C2: variants seen among roughly 807,000 people sequenced by gnomAD.
C2 encodes the protein C3/C5 convertase.
In C2, 64 loss-of-function variants were observed where a neutral mutation model predicts 85.2. The ratio of observed to expected loss-of-function variants is 0.75; its 90% CI spans 0.61 to 0.92. The LOEUF is 0.92. Among genes scored for constraint, C2 ranks in the 40% least tolerant of loss-of-function variants. C2 has a pLI of 0.00. For missense variants in C2, 820 were observed against 971.6 expected (o/e 0.84, Z 2.07); for synonymous variants, 311 against 370.8 (o/e 0.84, Z 1.85).
chr6:31,909,787 G>A (rs1435244356), intron 1 of C2, among the ~76,000 whole-genome samples: 1 of 151,910 alleles, frequency 6.6e-6, no homozygotes, highest in Non-Finnish European at 1.5e-5. Context: ...GTTTTCCACA[G>A]CAGCTGCACC....
chr6:31,901,162 C>T (rs1298474272), intron 1 of C2: 6 of 1,613,612 alleles, frequency 3.7e-6, no homozygotes, highest in Non-Finnish European at 5.1e-6. Context: ...CCAAGATGAC[C>T]TTGTGGCCTC....
chr6:31,939,751 C>CATCACTGGA (rs1770734296), intron 9 of C2, among the ~76,000 whole-genome samples: 1 of 152,050 alleles, frequency 6.6e-6, no homozygotes, highest in South Asian at 2.1e-4. Context: ...CTATGCTCAG[C>CATCACTGGA]CCGTCTTCAC....
intron 1 of C2, among the ~76,000 whole-genome samples, chr6:31,911,995 T>A (rs28732166): frequency 0.026 from 3,672 of 143,554 alleles, 69 homozygotes; most frequent in South Asian, 0.062. Context: ...GGTCTCTAAC[T>A]CCTGGGCTCA....
In C2 at chr6:31,933,064, C is replaced by T. The variant is rs138594503; in HGVS notation, c.443-546C>T. Among the ~76,000 whole-genome samples, 698 of 148,232 alleles carry T rather than the reference C, an allele frequency of 4.7e-3. 7 individuals carry two copies. Among genetic ancestry groups the T allele is most frequent in the African/African-American group, 0.016 (662 of 41,172 alleles). On this transcript the variant is annotated intron_variant, in intron 3 of 17. Coordinates refer to ENST00000299367, the MANE Select transcript of C2 (RefSeq NM_000063.6). The stretch of plus-strand genomic sequence containing the variant: ...AGGTTGCAGTGAGCCGAGATGGCAG[C>T]AGTACCGTCCAGCTTCGGCTCGGCA...
chr6:31,932,765 T>G (rs1314715487), intron 3 of C2, among the ~76,000 whole-genome samples: 8 of 152,230 alleles, frequency 5.3e-5, no homozygotes, highest in Non-Finnish European at 1.2e-4. Flanking sequence ...CAAGGCAGGC[T>G]GCTGGGAGGT....
Position 31,920,356 on chromosome 6 carries a change from C to T in C2, c.-100+330C>T, listed in dbSNP as rs1768875841. On this transcript the variant is annotated intron_variant, in intron 1 of 3. Coordinates refer to the C2 transcript ENST00000413154. The surrounding 1 kb of genome is among the most constrained non-coding windows in gnomAD (Gnocchi z 5.6). ...ACTGGGAAGGGGATGAATATCTCCC[C>T]ACTCCCCAGGATAAAGGAAAACATT... Among the ~76,000 whole-genome samples, 1 of 152,126 alleles carries T rather than the reference C, an allele frequency of 6.6e-6. No homozygotes were observed. Among genetic ancestry groups the T allele is most frequent in the Non-Finnish European group, 1.5e-5 (1 of 68,004 alleles).
upstream of C2, chr6:31,897,999 G>A: frequency 1.3e-6 from 1 of 774,552 alleles, no homozygotes; most frequent in Non-Finnish European, 1.6e-6. Context: ...ATTTCCTCTG[G>A]CCTGGTTGGG....
intron 3 of C2, among the ~76,000 whole-genome samples, chr6:31,931,914 C>G (rs1468659117): frequency 1.3e-5 from 1 of 76,858 alleles, no homozygotes; most frequent in African/African-American, 3.5e-5. Flanking sequence ...ACCTCCCTCC[C>G]GGACGGCGCG....
Position 31,943,576 on chromosome 6 carries a change from AC to A in C2, c.1567+51del, listed in dbSNP as rs746883608. ...TCCTGATCCTGAAGCCACAGATCCT[AC>A]CACCTCACCCAGCCTCTGGCCCCTG... On this transcript the variant is annotated intron_variant, in intron 12 of 17. Coordinates refer to ENST00000299367, the MANE Select transcript of C2 (RefSeq NM_000063.6). The surrounding 1 kb of genome is among the most constrained non-coding windows in gnomAD (Gnocchi z 6.4). The A allele has an allele frequency of 9.3e-5, 149 of 1,608,092 alleles. No homozygotes were observed. The highest frequency in any genetic ancestry group is 1.2e-4 in the Non-Finnish European group (145 of 1,175,668).
chr6:31,932,645 C>T (rs946156496), intron 3 of C2, among the ~76,000 whole-genome samples: 1 of 146,488 alleles, frequency 6.8e-6, no homozygotes, highest in Non-Finnish European at 1.5e-5. Flanking sequence ...GGCAGCCAGG[C>T]AGAGGGGCTC....
intron 8 of C2, among the ~76,000 whole-genome samples, chr6:31,938,286 T>C (rs1423379380): frequency 6.6e-6 from 1 of 151,954 alleles, no homozygotes; most frequent in African/African-American, 2.4e-5. Context: ...CATTTGCCTC[T>C]TGCTATTGTC....
chr6:31,908,517 G>A (rs974632645), intron 1 of C2, among the ~76,000 whole-genome samples: 1 of 151,400 alleles, frequency 6.6e-6, no homozygotes, highest in Non-Finnish European at 1.5e-5. Context: ...GCTGGGTGTG[G>A]TGGGGGTGCC....
chr6:31,926,739 G>T (rs1369070042), upstream of C2, among the ~76,000 whole-genome samples: 2 of 151,988 alleles, frequency 1.3e-5, no homozygotes, highest in Admixed American at 6.6e-5. Flanking sequence ...GGTTCAATCA[G>T]TTCTCTAAGG....
At chr6:31,926,194 G>C (rs1332005057), upstream of C2, among the ~76,000 whole-genome samples, 2 of 152,132 alleles carry the variant, frequency 1.3e-5, no homozygotes, top group African/African-American at 2.4e-5. Context: ...TCTTACTGTG[G>C]AAGGAGGGAG....
upstream of C2, among the ~76,000 whole-genome samples, chr6:31,918,284 C>CA (rs931103800): frequency 1.5e-4 from 22 of 145,406 alleles, no homozygotes; most frequent in South Asian, 2.0e-3. Context: ...GACCCCATCT[C>CA]AAAAAAAAAA....
chr6:31,933,619 G>A lies in C2; in HGVS notation c.452G>A (p.Cys151Tyr), dbSNP rs1770109879. Residue 151 changes from cysteine (C) to tyrosine (Y), a missense_variant, in exon 4 of 18, where the codon TGC becomes TAC. Coordinates refer to ENST00000299367, the MANE Select transcript of C2 (RefSeq NM_000063.6). ...TAVCDNGAGH[C>Y]PNPGISLGAV... Reference sequence around the variant, plus strand: ...CTTTGTTCACTCGCAGCTGGCCACTGCCCCAACCCAGGCATTTCACTGGGC... The same window carrying A: ...CTTTGTTCACTCGCAGCTGGCCACTACCCCAACCCAGGCATTTCACTGGGC... The A allele has an allele frequency of 1.2e-6, 2 of 1,612,954 alleles. No individual in the cohort carries two copies. Among genetic ancestry groups the A allele is most frequent in the South Asian group, 1.1e-5 (1 of 91,090 alleles).
intron 1 of C2, among the ~76,000 whole-genome samples, chr6:31,913,541 A>G (rs1352492166): frequency 1.3e-5 from 2 of 152,162 alleles, no homozygotes; most frequent in East Asian, 3.8e-4. Context: ...GTGCCATTGC[A>G]CTCCAGTCTG....
chr6:31,932,107 C>T (rs1467742909), intron 3 of C2, among the ~76,000 whole-genome samples: 1 of 130,136 alleles, frequency 7.7e-6, no homozygotes, highest in Non-Finnish European at 1.6e-5. Flanking sequence ...GGCGGCTGGC[C>T]GGGCGAGGGG....
chr6:31,938,942 C>T (rs891785220), intron 8 of C2, among the ~76,000 whole-genome samples: 1 of 152,080 alleles, frequency 6.6e-6, no homozygotes, highest in Non-Finnish European at 1.5e-5. Flanking sequence ...CATGAGCCAC[C>T]ATGCCCGGCC....
Sources: allele counts gnomAD v4.1 joint callset (sites outside exome capture counted in the v4.1 genomes callset), GRCh38; gene constraint gnomAD v4.1.1; non-coding constraint Gnocchi (gnomAD v3.1); transcripts MANE v1.5; gene names NCBI Gene and HGNC (gene_info 2026-07-23, HGNC 2026-07-21).